The following STK36 variants were observed in gnomAD, a reference collection of about 807,000 sequenced individuals.
STK36 encodes the protein serine/threonine kinase 36, also known as serine/threonine-protein kinase 36.
A neutral mutation model predicts 142.2 loss-of-function variants in STK36; 116 were observed. The observed-to-expected ratio is 0.82, with a 90% CI of 0.70 to 0.95. STK36 has a LOEUF of 0.95. STK36 is among the 40% of genes least tolerant of loss of function. The pLI is 0.00. For missense variants in STK36, 1,422 were observed against 1,617.2 expected, an observed-to-expected ratio of 0.88 and a Z score of 2.07; for synonymous variants, 619 against 641.7, an observed-to-expected ratio of 0.96 and a Z score of 0.53.
In STK36 at chr2:218,698,999, G is replaced by T; in HGVS notation, c.3455G>T (p.Gly1152Val). The T allele has an allele frequency of 6.2e-7, 1 of 1,614,174 alleles. No homozygotes were observed. Among genetic ancestry groups the T allele is most frequent in the South Asian group, 1.1e-5 (1 of 91,088 alleles). The change falls in exon 26 of 27, where the codon GGA becomes GTA. Residue 1152 changes from glycine to valine, a missense_variant. Physicochemically the swap from Gly to Val is moderately radical, Grantham distance 109. Around this residue, in one of 2 missense-constraint regions of STK36, gnomAD observed 962 missense variants for 1,167.5 expected, o/e 0.82. Coordinates refer to ENST00000295709, the MANE Select transcript of STK36 (RefSeq NM_015690.5). Reference sequence around the variant, plus strand: ...CGTGGGGCACTGCAGAGCCAGTCTGGACTGCTCAGCCTTCTGCTGCTTGGG... The same window carrying T: ...CGTGGGGCACTGCAGAGCCAGTCTGTACTGCTCAGCCTTCTGCTGCTTGGG... ...ALRGALQSQSGLLSLLLLGLG... is the reference protein window; with the variant it reads ...ALRGALQSQSVLLSLLLLGLG...
At chr2:218,693,388 C>A in intron 17 of STK36, 44 bp downstream of exon 17, 2 of 1,548,630 alleles carry the variant, frequency 1.3e-6, no homozygotes, top group Non-Finnish European at 1.8e-6. Flanking sequence ...TTTTTAACTC[C>A]CAGTGCAGAC....
chr2:218,679,808 G>A lies in STK36; in HGVS notation c.948+79G>A, dbSNP rs372742589. 36 of 1,607,656 alleles carry A rather than the reference G, an allele frequency of 2.2e-5. 1 individual carries two copies. The South Asian group carries it at 4.0e-4, about 18-fold the overall frequency. On this transcript the variant is annotated intron_variant, in intron 8 of 26. Transcript: ENST00000295709. ...TAGAGGAGGAGGGTGACTTTCTAGG[G>A]TTGGAGAAGGGCCGTGAATAGCATT...
chr2:218,686,468 A>AG (rs776424778), intron 11 of STK36, among the ~76,000 whole-genome samples: 16 of 152,250 alleles, frequency 1.1e-4, no homozygotes, highest in South Asian at 6.2e-4. Flanking sequence ...CATGTTGCCC[A>AG]GGCTGGTCTG....
intron 11 of STK36, among the ~76,000 whole-genome samples, chr2:218,686,095 C>T (rs1940765027): frequency 2.6e-5 from 4 of 151,894 alleles, no homozygotes; most frequent in South Asian, 2.1e-4. Flanking sequence ...CGTGCCACCA[C>T]GCCCGGTTAA....
Position 218,702,032 on chromosome 2 carries a change from C to T in STK36, c.*23C>T. The T allele has an allele frequency of 1.2e-6, 2 of 1,611,870 alleles. No individual in the cohort carries two copies. Among genetic ancestry groups the T allele is most frequent in the South Asian group, 1.1e-5 (1 of 90,774 alleles). On this transcript the variant is annotated 3_prime_UTR_variant, in exon 27 of 27. Coordinates refer to ENST00000295709, the MANE Select transcript of STK36 (RefSeq NM_015690.5). ...TGATTCCAGATTCCTGCGGTCCAGC[C>T]TCCAACTTTGGTTGCCAGCTCTTTC...
Position 218,701,868 on chromosome 2 carries a change from A to C in STK36, c.3807A>C (p.Val1269=). ...SLQQEPGIHQ[V]LVSLGASEKL... ...ATCATCTGTTCTCTATCCTACAGGT[A>C]CTGGTGTCCCTGGGTGCCAGTGAGA... The change falls in exon 27 of 27, where the codon GTA becomes GTC. Residue 1269 remains valine (V), a splice_region_variant and synonymous_variant. Coordinates refer to ENST00000295709, the MANE Select transcript of STK36 (RefSeq NM_015690.5). 6.2e-7 allele frequency: 1 copy of C among 1,614,044 alleles called. No individual in the cohort carries two copies. Among genetic ancestry groups the C allele is most frequent in the Non-Finnish European group, 8.5e-7 (1 of 1,179,974 alleles).
rs1011857998 is a variant in STK36 at position 218,690,303 on chromosome 2, ATGTGTG to A, written c.1659-140_1659-135del. 4.3e-6 allele frequency: 3 copies of A among 699,570 alleles called. No individual in the cohort carries two copies. In the African/African-American group the frequency reaches 5.3e-5, roughly 12 times the overall value. The allele number at this position is 699,570 out of a possible 1,614,324, so 43.3% of individuals were successfully genotyped here. ...GGCAAAGAAGGGGCTTGGAGGGTGT[ATGTGTG>A]TGTGTGGCAAGGGAGAAGGGAGGAA... On this transcript the variant is annotated intron_variant, in intron 13 of 26. Transcript: ENST00000295709.
Position 218,694,549 on chromosome 2 carries a change from C to G in STK36, c.2425C>G (p.Gln809Glu). 2.5e-6 allele frequency: 4 copies of G among 1,614,232 alleles called. No individual in the cohort carries two copies. The highest frequency in any genetic ancestry group is 3.4e-6 in the Non-Finnish European group (4 of 1,180,046). The change falls in exon 21 of 27, where the codon CAG becomes GAG. Residue 809 changes from glutamine (Q) to glutamate (E), a missense_variant. Transcript: ENST00000295709. This position sits in a 1 kb window ranked among gnomAD's most constrained non-coding sequence, Gnocchi z 4.4. ...LVSAAACLLG[Q>E]LGQQGVTFDL... is the part of the protein sequence containing the mutation. ...GAGTGCAGCAGCCTGTCTATTGGGA[C>G]AGCTTGGTCAGCAAGGGGTGACCTT...
intron 21 of STK36, among the ~76,000 whole-genome samples, chr2:218,695,457 C>T (rs1359306741): frequency 2.0e-5 from 3 of 149,784 alleles, no homozygotes; most frequent in African/African-American, 4.9e-5. Context: ...AACTCCTGAC[C>T]TCACATGTGA....
chr2:218,673,955 A>G lies in STK36; in HGVS notation c.302A>G (p.Gln101Arg). 1.2e-6 allele frequency: 2 copies of G among 1,613,544 alleles called. No homozygotes were observed. Among genetic ancestry groups the G allele is most frequent in the Non-Finnish European group, 1.7e-6 (2 of 1,179,784 alleles). Residue 101 changes from glutamine (Q) to arginine (R), a missense_variant and splice_region_variant, in exon 4 of 27, where the codon CAG becomes CGG. Physicochemically the swap from Gln to Arg is conservative, Grantham distance 43 (BLOSUM62 1). Around this residue, in one of 2 missense-constraint regions of STK36, gnomAD observed 460 missense variants for 449.6 expected, o/e 1.02. Transcript: ENST00000295709. ...GATGACGGAAAACTTCCTGAAGACC[A>G]GGTATGCTTTCTGCCTTCAACTTCT... Reference protein sequence around the residue: ...LEDDGKLPEDQVQAIAAQLVS... With the variant: ...LEDDGKLPEDRVQAIAAQLVS...
rs768508906 is a variant in STK36 at position 218,702,061 on chromosome 2, T to C, written c.*52T>C. The C allele has an allele frequency of 7.5e-6, 12 of 1,604,986 alleles. No homozygotes were observed. The highest frequency in any genetic ancestry group is 1.0e-5 in the Non-Finnish European group (12 of 1,175,536). ...AACTTTGGTTGCCAGCTCTTTCTTATTCTACTACACAAGCCGCCAACTCAA... is the reference window on the plus strand; with the variant it reads ...AACTTTGGTTGCCAGCTCTTTCTTACTCTACTACACAAGCCGCCAACTCAA... On this transcript the variant is annotated 3_prime_UTR_variant, in exon 27 of 27. Transcript: ENST00000295709.
At chr2:218,677,229 G>A (rs1575122540) in intron 6 of STK36, among the ~76,000 whole-genome samples, 1 of 152,154 alleles carries the variant, frequency 6.6e-6, no homozygotes, top group South Asian at 2.1e-4. Flanking sequence ...CACTGCACCC[G>A]GCCAGGGCTA....
At chr2:218,675,308 C>CTTTT in intron 4 of STK36, 35 bp from the exon 5 acceptor site, 2 of 1,585,704 alleles carry the variant, frequency 1.3e-6, no homozygotes, top group South Asian at 1.2e-5. Context: ...TGTTTCTAAC[C>CTTTT]TTTTTTTTCT....
chr2:218,686,028 C>T (rs1034921922), intron 11 of STK36, among the ~76,000 whole-genome samples: 8 of 150,668 alleles, frequency 5.3e-5, no homozygotes, highest in East Asian at 3.9e-4. Context: ...ACCTCTGCCC[C>T]GCGCAGGTTT....
At chr2:218,684,528 C>G (rs1940692653) in intron 10 of STK36, among the ~76,000 whole-genome samples, 1 of 133,404 alleles carries the variant, frequency 7.5e-6, no homozygotes, top group Admixed American at 8.8e-5. Context: ...TCAAACAATT[C>G]TCCTGTGTCA....
At chr2:218,676,885 C>T (rs1329688389) in intron 6 of STK36, among the ~76,000 whole-genome samples, 4 of 152,074 alleles carry the variant, frequency 2.6e-5, no homozygotes, top group African/African-American at 7.2e-5. Flanking sequence ...CTCCTGACCT[C>T]GTGACTCGCC....
chr2:218,682,623 C>T (rs537825799), intron 10 of STK36, among the ~76,000 whole-genome samples: 29 of 152,160 alleles, frequency 1.9e-4, no homozygotes, highest in African/African-American at 7.0e-4. Context: ...TGAGCAGGGT[C>T]TTACTCTGTT....
intron 11 of STK36, chr2:218,688,485 C>A: frequency 1.6e-6 from 1 of 617,818 alleles, no homozygotes; most frequent in Non-Finnish European, 2.9e-6. Flanking sequence ...CACTGGTGTT[C>A]TGTGTTAGGT....
At chr2:218,689,427 G>A (rs1345076205) in intron 12 of STK36, among the ~76,000 whole-genome samples, 1 of 152,168 alleles carries the variant, frequency 6.6e-6, no homozygotes, top group African/African-American at 2.4e-5. Flanking sequence ...GACTCAATGT[G>A]TTTGGGGCCA....
Sources: allele counts gnomAD v4.1 joint callset (sites outside exome capture counted in the v4.1 genomes callset), GRCh38; gene constraint gnomAD v4.1.1; regional missense constraint gnomAD v4.1.1; non-coding constraint Gnocchi (gnomAD v3.1); transcripts MANE v1.5; gene names NCBI Gene and HGNC (gene_info 2026-07-23, HGNC 2026-07-21).